Variants in CHL1 observed in about 807,000 individuals in gnomAD.
CHL1 encodes the protein cell adhesion molecule L1 like.
CHL1 carries 96 observed loss-of-function variants against 141.9 expected under a neutral mutation model. That is an observed-to-expected ratio of 0.68 (90% CI 0.57 to 0.80). The LOEUF (loss-of-function observed/expected upper bound fraction) is 0.80. Ranked by LOEUF, CHL1 falls within the 30% of genes least tolerant of loss-of-function variation. The pLI, the probability that CHL1 is intolerant of heterozygous loss-of-function variation, is 0.00. For missense variants in CHL1, 1,820 were observed against 1,457.2 expected (o/e 1.25, Z -4.05); for synonymous variants, 613 against 502.2 (o/e 1.22, Z -2.95).
At chr3:253,927 T>C (rs1378898159) in intron 2 of CHL1, among the ~76,000 whole-genome samples, 1 of 152,244 alleles carries the variant, frequency 6.6e-6, no homozygotes, top group East Asian at 1.9e-4. Context: ...GAACTTACAC[T>C]GAGCTAGCCA....
chr3:212,085 A>G (rs1222011071), intron 1 of CHL1, among the ~76,000 whole-genome samples: 4 of 152,194 alleles, frequency 2.6e-5, no homozygotes, highest in African/African-American at 9.6e-5. Flanking sequence ...AAAATGTTAT[A>G]TATGTTAAAT....
rs1486745500 is a variant in CHL1 at position 349,363 on chromosome 3, A to T, written c.853A>T (p.Thr285Ser). 1.9e-6 allele frequency: 3 copies of T among 1,610,266 alleles called. No individual in the cohort carries two copies. The highest frequency in any genetic ancestry group is 1.7e-5 in the Admixed American group (1 of 58,672). The change falls in exon 10 of 28, where the codon ACT becomes TCT. Residue 285 changes from threonine (T) to serine (S), a missense_variant. By Grantham distance (58) the Thr-to-Ser change is moderately conservative. Transcript: ENST00000256509. Reference protein sequence around the residue: ...LLECFAEGLPTPQVDWNKIGG... With the variant: ...LLECFAEGLPSPQVDWNKIGG... ...TTATTTAACTATTTTTTGCAGGCCA[A>T]CTCCACAGGTTGATTGGAACAAAAT...
At chr3:247,818 T>C (rs1206550734) in intron 2 of CHL1, 1 of 152,130 alleles carries the variant, frequency 6.6e-6, no homozygotes, top group Admixed American at 6.6e-5. Context: ...TCAGAGGTGA[T>C]GAAAGATTCC....
At position 401,607 on chromosome 3, in the gene CHL1, C is replaced by T; in HGVS notation, c.3386-19C>T. The T allele has an allele frequency of 6.7e-7, 1 of 1,486,848 alleles. No homozygotes were observed. Among genetic ancestry groups the T allele is most frequent in the Non-Finnish European group, 9.3e-7 (1 of 1,076,314 alleles). 92.1% of individuals were successfully genotyped at this position (1,486,848 alleles called of 1,614,324 possible). A position where few individuals can be genotyped will look rare whatever the true frequency, so the allele number is the denominator to read the frequency against. ...AATGGTCACTGTATTACTTTTCCCACTTTTTTTCTCTTTTTTAGTTAAAGA... is the reference window on the plus strand; with the variant it reads ...AATGGTCACTGTATTACTTTTCCCATTTTTTTTCTCTTTTTTAGTTAAAGA... On this transcript the variant is annotated intron_variant, in intron 26 of 27. Coordinates refer to ENST00000256509, the MANE Select transcript of CHL1 (RefSeq NM_006614.4).
At chr3:301,169 G>T (rs1250158351) in intron 2 of CHL1, among the ~76,000 whole-genome samples, 2 of 152,236 alleles carry the variant, frequency 1.3e-5, no homozygotes, top group African/African-American at 2.4e-5. Context: ...AGGTAGAAGG[G>T]ATTCAGACCC....
intron 23 of CHL1, among the ~76,000 whole-genome samples, chr3:394,390 TATAGCACAGGG>T (rs1393371524): frequency 6.6e-6 from 1 of 152,134 alleles, no homozygotes; most frequent in African/African-American, 2.4e-5. Context: ...CTGGCTCCAA[TATAGCACAGGG>T]ATTAAAGACG....
At chr3:202,846 C>G (rs1012384358) in intron 1 of CHL1, among the ~76,000 whole-genome samples, 2 of 152,276 alleles carry the variant, frequency 1.3e-5, no homozygotes, top group African/African-American at 2.4e-5. Flanking sequence ...CGTTTTTCAA[C>G]CAAATGTCTC....
Position 360,220 on chromosome 3 carries a change from A to G in CHL1, c.1166-64A>G, listed in dbSNP as rs79332392. On this transcript the variant is annotated intron_variant, in intron 11 of 27. Transcript: ENST00000256509. ...ATAAATACTGTGTGACACATTTAAT[A>G]AATGGTGTATAAATATTTTATGTCC... is the stretch of plus-strand genomic sequence containing the variant. 386 of 1,534,050 alleles carry G rather than the reference A, an allele frequency of 2.5e-4. 4 individuals carry two copies. In the African/African-American group the frequency reaches 4.5e-3, roughly 18 times the overall value.
intron 12 of CHL1, 116 bp downstream of exon 12, chr3:360,540 A>T: frequency 1.0e-6 from 1 of 995,756 alleles, no homozygotes; most frequent in Non-Finnish European, 1.5e-6. Context: ...AAATCAAACT[A>T]CTTTTCACCA....
intron 2 of CHL1, among the ~76,000 whole-genome samples, chr3:249,324 C>A (rs955507220): frequency 6.6e-6 from 1 of 152,088 alleles, no homozygotes; most frequent in South Asian, 2.1e-4. Context: ...AAGGAAGCCT[C>A]ATGCACAAAG....
intron 5 of CHL1, chr3:328,598 G>T: frequency 2.9e-6 from 1 of 344,178 alleles, no homozygotes; most frequent in Non-Finnish European, 5.2e-6. Flanking sequence ...TATAATATCT[G>T]CTTTGCCTTA....
chr3:241,460 C>G (rs1303489056), intron 1 of CHL1, among the ~76,000 whole-genome samples: 1 of 152,180 alleles, frequency 6.6e-6, no homozygotes, highest in Non-Finnish European at 1.5e-5. Flanking sequence ...TTCCGCTGAT[C>G]CGCAGCTCTC....
intron 16 of CHL1, among the ~76,000 whole-genome samples, chr3:381,659 G>A (rs1023284770): frequency 1.3e-5 from 2 of 152,196 alleles, no homozygotes; most frequent in African/African-American, 2.4e-5. Flanking sequence ...TTAAGGAAGA[G>A]AAGCTTTGTT....
chr3:364,451 C>T (rs977702269), intron 14 of CHL1, among the ~76,000 whole-genome samples: 12 of 152,108 alleles, frequency 7.9e-5, no homozygotes, highest in Admixed American at 3.3e-4. Flanking sequence ...GTGTAAGGAG[C>T]GTGAAGCCTC....
intron 23 of CHL1, 111 bp from the exon 24 acceptor site, chr3:394,582 A>G: frequency 2.7e-6 from 2 of 741,872 alleles, no homozygotes; most frequent in South Asian, 3.7e-5. Flanking sequence ...ATGGTTATGA[A>G]TCATTAATGT....
chr3:247,740 A>T (rs1693304273), intron 2 of CHL1: 1 of 152,060 alleles, frequency 6.6e-6, no homozygotes, highest in Admixed American at 6.6e-5. Flanking sequence ...GCCAAGTGGG[A>T]CCCTGGTCAA....
At chr3:211,515 TTC>T (rs904195436) in intron 1 of CHL1, among the ~76,000 whole-genome samples, 1 of 152,184 alleles carries the variant, frequency 6.6e-6, no homozygotes, top group African/African-American at 2.4e-5. Flanking sequence ...TTGCTTCTAC[TTC>T]TCTGTTTCTC....
chr3:367,833 C>G (rs1037447182), intron 15 of CHL1, among the ~76,000 whole-genome samples: 1 of 152,140 alleles, frequency 6.6e-6, no homozygotes, highest in Non-Finnish European at 1.5e-5. Flanking sequence ...TGATTCACCT[C>G]TCTGTGTCCA....
At chr3:197,872 C>CTTTTTTT (rs58240971) in intron 1 of CHL1, 5 of 358,770 alleles carry the variant, frequency 1.4e-5, no homozygotes, top group African/African-American at 4.9e-5. Context: ...CTTTCTCTCG[C>CTTTTTTT]TTTTTTTTTT....
Sources: gnomAD v4.1 joint callset for allele counts (sites outside exome capture counted in the v4.1 genomes callset) on GRCh38, gnomAD v4.1.1 for gene constraint, MANE v1.5 for transcripts, NCBI Gene and HGNC (gene_info 2026-07-23, HGNC 2026-07-21) for gene names.